SMURF1: variants seen among roughly 807,000 people sequenced by gnomAD.
SMURF1 encodes E3 ubiquitin-protein ligase SMURF1.
SMURF1 carries 44 observed loss-of-function variants against 98.0 expected under a neutral mutation model. That is an observed-to-expected ratio of 0.45 (90% CI 0.35 to 0.58). SMURF1 has a LOEUF of 0.58. Ranked by LOEUF, SMURF1 falls within the 20% of genes least tolerant of loss-of-function variation. The pLI is 0.00. For missense variants in SMURF1, 687 were observed against 938.4 expected (o/e 0.73, Z 3.50); for synonymous variants, 396 against 374.9 (o/e 1.06, Z -0.65).
At chr7:99,084,342 G>A (rs937699525) in intron 1 of SMURF1, among the ~76,000 whole-genome samples, 38 of 152,036 alleles carry the variant, frequency 2.5e-4, no homozygotes, top group Non-Finnish European at 1.3e-4. Context: ...GTGCAGTGGC[G>A]CGATCTCAGC....
At position 99,028,759 on chromosome 7, in the gene SMURF1, G is replaced by C. The variant is rs1245223412; in HGVS notation, c.*1825C>G. On this transcript the variant is annotated 3_prime_UTR_variant, in exon 18 of 18. Coordinates refer to ENST00000361368, the MANE Select transcript of SMURF1 (RefSeq NM_181349.3). ...CATCCCGGAGGCCGCTTCAGTTCTC[G>C]AATGGATGTCTCTTCCGCCTCCCGC... 6.6e-6 allele frequency: 1 copy of C among 152,232 alleles called. No homozygotes were observed. Among genetic ancestry groups the C allele is most frequent in the African/African-American group, 2.4e-5 (1 of 41,470 alleles). 9.4% of individuals were successfully genotyped at this position (152,232 alleles called of 1,614,324 possible).
intron 8 of SMURF1, chr7:99,051,028 AG>A (rs1795739971): frequency 1.3e-6 from 2 of 1,493,984 alleles, no homozygotes; most frequent in South Asian, 2.5e-5. Flanking sequence ...GAAGAGAGAA[AG>A]GGTAACAGAG....
rs1048938965 is a variant in SMURF1, at chr7:99,029,893, A to G, written c.*691T>C. ...CTTAAAAGATCGTTTTTCTCTATGT[A>G]AAACAAAATTTTCAGCCAAGATACC... On this transcript the variant is annotated 3_prime_UTR_variant, in exon 18 of 18. Coordinates refer to ENST00000361368, the MANE Select transcript of SMURF1 (RefSeq NM_181349.3). 6.6e-6 allele frequency: 1 copy of G among 152,244 alleles called. No individual in the cohort carries two copies. The highest frequency in any genetic ancestry group is 2.4e-5 in the African/African-American group (1 of 41,458). The allele number at this position is 152,244 out of a possible 1,614,324, so 9.4% of individuals were successfully genotyped here.
At chr7:99,105,025 A>G (rs966935297) in intron 1 of SMURF1, among the ~76,000 whole-genome samples, 2 of 152,234 alleles carry the variant, frequency 1.3e-5, no homozygotes, top group South Asian at 4.1e-4. Context: ...CCTGTAACCA[A>G]AACACCCTTC....
chr7:99,041,625 C>G (rs1263690349), intron 12 of SMURF1, among the ~76,000 whole-genome samples: 3 of 152,248 alleles, frequency 2.0e-5, no homozygotes, highest in African/African-American at 7.2e-5. Context: ...CGTGGTGCCA[C>G]AGGAGGAGTC....
intron 8 of SMURF1, chr7:99,051,078 C>G (rs557845582): frequency 1.5e-6 from 2 of 1,301,856 alleles, no homozygotes; most frequent in East Asian, 2.5e-5. Flanking sequence ...AAATTTTAAG[C>G]ATATAAAAAA....
intron 1 of SMURF1, among the ~76,000 whole-genome samples, chr7:99,121,448 C>T (rs1403336661): frequency 4.6e-5 from 7 of 152,118 alleles, no homozygotes; most frequent in Non-Finnish European, 1.0e-4. Flanking sequence ...CAAAACAACA[C>T]CTAGTTTGCA....
chr7:99,135,830 A>T (rs1443668088), intron 1 of SMURF1, among the ~76,000 whole-genome samples: 1 of 152,230 alleles, frequency 6.6e-6, no homozygotes, highest in African/African-American at 2.4e-5. Context: ...TGCTCTTGGT[A>T]CCTACTCTAT....
chr7:99,104,458 T>TC (rs1430202092), intron 1 of SMURF1, among the ~76,000 whole-genome samples: 2 of 152,242 alleles, frequency 1.3e-5, no homozygotes, highest in East Asian at 1.9e-4. Flanking sequence ...GAAACCCCCC[T>TC]CTTCCACTTA....
Position 99,029,154 on chromosome 7 carries a change from C to T in SMURF1, c.*1430G>A, listed in dbSNP as rs1188911447. On this transcript the variant is annotated 3_prime_UTR_variant, in exon 18 of 18. Coordinates refer to ENST00000361368, the MANE Select transcript of SMURF1 (RefSeq NM_181349.3). Reference sequence around the variant, plus strand: ...GTCCACAAGGTCCTTCCCAGGCCATCTCAGACCCACAGCGGGATCCCAGAG... The same window carrying T: ...GTCCACAAGGTCCTTCCCAGGCCATTTCAGACCCACAGCGGGATCCCAGAG... The T allele has an allele frequency of 6.5e-6, 1 of 152,738 alleles. No individual in the cohort carries two copies. Among genetic ancestry groups the T allele is most frequent in the Admixed American group, 6.5e-5 (1 of 15,288 alleles). 9.5% of individuals were successfully genotyped at this position (152,738 alleles called of 1,614,324 possible). A position where few individuals can be genotyped will look rare whatever the true frequency, so the allele number is the denominator to read the frequency against.
chr7:99,124,037 T>A (rs1218198879), intron 1 of SMURF1, among the ~76,000 whole-genome samples: 1 of 152,196 alleles, frequency 6.6e-6, no homozygotes, highest in African/African-American at 2.4e-5. Context: ...GTGGTGGAAC[T>A]GGGTTGGCTG....
chr7:99,072,311 A>G (rs1001404465), intron 1 of SMURF1, among the ~76,000 whole-genome samples: 2 of 152,118 alleles, frequency 1.3e-5, no homozygotes, highest in African/African-American at 4.8e-5. Context: ...GTGTGAGTCA[A>G]CATTTCCAAC....
intron 1 of SMURF1, among the ~76,000 whole-genome samples, chr7:99,123,555 T>C (rs1270020472): frequency 6.6e-6 from 1 of 152,018 alleles, no homozygotes; most frequent in Non-Finnish European, 1.5e-5. Context: ...AATAGATAGA[T>C]AGATAAATAT....
chr7:99,142,888 A>C (rs1022361509), intron 1 of SMURF1, among the ~76,000 whole-genome samples: 1 of 130,142 alleles, frequency 7.7e-6, no homozygotes, highest in African/African-American at 3.0e-5. Context: ...GGGAAAAGCG[A>C]GGGGGCAGGT....
intron 8 of SMURF1, 145 bp from the exon 9 acceptor site, chr7:99,049,854 C>A (rs1341372579): frequency 2.8e-6 from 2 of 706,612 alleles, no homozygotes; most frequent in Non-Finnish European, 4.6e-6. Flanking sequence ...GTGCTACTTA[C>A]GCCAAACCTC....
At chr7:99,093,845 TA>T (rs1462664480) in intron 1 of SMURF1, among the ~76,000 whole-genome samples, 1 of 152,124 alleles carries the variant, frequency 6.6e-6, no homozygotes, top group Non-Finnish European at 1.5e-5. Context: ...GTAAATTTGC[TA>T]AAACAAAAAG....
chr7:99,037,227 G>C (rs1562997818), intron 14 of SMURF1, 40 bp from the exon 15 acceptor site: 1 of 1,612,714 alleles, frequency 6.2e-7, no homozygotes, highest in Non-Finnish European at 8.5e-7. Context: ...ACACCAAGTG[G>C]ATTTTCCGCC....
intron 1 of SMURF1, among the ~76,000 whole-genome samples, chr7:99,086,147 A>G (rs1796673234): frequency 1.3e-5 from 2 of 151,920 alleles, no homozygotes; most frequent in African/African-American, 4.8e-5. Context: ...GCAGTTCGAG[A>G]CCAGCCTGGC....
At chr7:99,063,234 GATTTATTTATATAT>G (rs1796080920) in intron 1 of SMURF1, among the ~76,000 whole-genome samples, 2 of 20,468 alleles carry the variant, frequency 9.8e-5, no homozygotes, top group African/African-American at 2.6e-4. Flanking sequence ...ATATATATAA[GATTTATTTATATAT>G]ATATATATAT....
Sources: gnomAD v4.1 joint callset for allele counts (sites outside exome capture counted in the v4.1 genomes callset) on GRCh38, gnomAD v4.1.1 for gene constraint, MANE v1.5 for transcripts, NCBI Gene and HGNC (gene_info 2026-07-23, HGNC 2026-07-21) for gene names.